The following CUX1 variants were observed in gnomAD, a reference collection of about 807,000 sequenced individuals.
CUX1 encodes the protein protein CASP.
A neutral mutation model predicts 158.8 loss-of-function variants in CUX1; 31 were observed. The observed-to-expected ratio is 0.20, with a 90% CI of 0.15 to 0.26. The LOEUF (loss-of-function observed/expected upper bound fraction) is 0.26, where lower values mean the gene tolerates loss of function less well. CUX1 is among the 10% of genes least tolerant of loss of function. CUX1 has a pLI of 1.00. For synonymous variants in CUX1, 879 were observed against 862.1 expected, an observed-to-expected ratio of 1.02 and a Z score of -0.34; for missense variants, 1,589 against 2,014.6, an observed-to-expected ratio of 0.79 and a Z score of 4.04.
chr7:101,952,715 G>GC (rs1483157958), intron 2 of CUX1, among the ~76,000 whole-genome samples: 2 of 152,114 alleles, frequency 1.3e-5, no homozygotes, highest in Non-Finnish European at 2.9e-5. Context: ...TCCCTTTTCT[G>GC]CCGCCACCTT....
chr7:102,168,277 G>C (rs1214984020), intron 9 of CUX1, among the ~76,000 whole-genome samples: 1 of 152,126 alleles, frequency 6.6e-6, no homozygotes, highest in African/African-American at 2.4e-5. Flanking sequence ...TCAACTGAAT[G>C]TAATTCCAAG....
chr7:102,248,541 C>A lies in CUX1; in HGVS notation c.4017C>A (p.Asp1339Glu). The A allele has an allele frequency of 6.6e-7, 1 of 1,510,416 alleles. No individual in the cohort carries two copies. Among genetic ancestry groups the A allele is most frequent in the South Asian group, 1.2e-5 (1 of 81,974 alleles). 93.6% of individuals were successfully genotyped at this position (1,510,416 alleles called of 1,614,324 possible). The change falls in exon 24 of 24, where the codon GAC becomes GAA. Residue 1339 changes from aspartate (D) to glutamate (E), a missense_variant. Around this residue, in one of 8 missense-constraint regions of CUX1, gnomAD observed 344 missense variants for 323.7 expected, o/e 1.06. Transcript: ENST00000292535. This position sits in a 1 kb window ranked among gnomAD's most constrained non-coding sequence, Gnocchi z 5.8. ...CCAGCTCGGAGGGCGACAGCTGCGA[C>A]GGCGTGGAGGCCACTGAGGGCCCAG... ...AAPSSEGDSC[D>E]GVEATEGPGS...
At chr7:102,200,238 G>A in intron 17 of CUX1, 66 bp downstream of exon 17, 3 of 1,324,284 alleles carry the variant, frequency 2.3e-6, no homozygotes, top group South Asian at 1.3e-5. Flanking sequence ...TGAGTGCTCT[G>A]GTCAGCAGTA....
At chr7:101,825,625 G>A (rs1463840256) in intron 1 of CUX1, among the ~76,000 whole-genome samples, 2 of 152,190 alleles carry the variant, frequency 1.3e-5, no homozygotes, top group East Asian at 1.9e-4. Flanking sequence ...GGAGAGGAAG[G>A]ATATTGCCAG....
intron 1 of CUX1, among the ~76,000 whole-genome samples, chr7:101,818,276 C>T (rs1792096527): frequency 6.6e-6 from 1 of 152,300 alleles, no homozygotes; most frequent in East Asian, 1.9e-4. Flanking sequence ...GTAAAAATAG[C>T]TCCCTTTTAC....
At chr7:101,896,242 C>T (rs558504370) in intron 1 of CUX1, among the ~76,000 whole-genome samples, 3 of 151,972 alleles carry the variant, frequency 2.0e-5, no homozygotes, top group Non-Finnish European at 4.4e-5. Context: ...AGCAGTCTTC[C>T]GACCTCCAGC....
intron 3 of CUX1, 108 bp from the exon 4 acceptor site, chr7:102,070,231 G>C: frequency 1.1e-6 from 1 of 898,426 alleles, no homozygotes; most frequent in Admixed American, 2.4e-5. Flanking sequence ...CAGTTGTCAA[G>C]CATCTCCCTT....
At chr7:102,072,077 C>T (rs1826195790) in intron 4 of CUX1, among the ~76,000 whole-genome samples, 1 of 152,138 alleles carries the variant, frequency 6.6e-6, no homozygotes, top group Non-Finnish European at 1.5e-5. Flanking sequence ...GGAGGGTGTC[C>T]AGGTTCTTGG....
intron 2 of CUX1, among the ~76,000 whole-genome samples, chr7:101,922,622 C>G (rs1345090602): frequency 1.3e-5 from 2 of 152,290 alleles, no homozygotes; most frequent in Non-Finnish European, 2.9e-5. Context: ...CCTCTACTCT[C>G]CTTCTCCTCC....
intron 3 of CUX1, among the ~76,000 whole-genome samples, chr7:102,049,342 C>T (rs1318933174): frequency 2.0e-5 from 3 of 152,152 alleles, no homozygotes; most frequent in Non-Finnish European, 4.4e-5. Flanking sequence ...CAGCTCAGCC[C>T]GGAGGGGAGA....
At position 102,162,973 on chromosome 7, in the gene CUX1, G is replaced by A. The variant is rs117874710; in HGVS notation, c.723+4365G>A. On this transcript the variant is annotated intron_variant, in intron 9 of 23. Coordinates refer to ENST00000292535, the MANE Select transcript of CUX1 (RefSeq NM_181552.4). ...TGGGGAATCACGCACAGAGTGGACC[G>A]AAGGAGGGATTGAACAAGAAGGCTC... Among the ~76,000 whole-genome samples, 45 of 152,286 alleles carry A rather than the reference G, an allele frequency of 3.0e-4. No homozygotes were observed. In the East Asian group the frequency reaches 4.8e-3, roughly 16 times the overall value.
At chr7:102,045,520 G>C (rs1356361904) in intron 3 of CUX1, among the ~76,000 whole-genome samples, 1 of 152,248 alleles carries the variant, frequency 6.6e-6, no homozygotes, top group Non-Finnish European at 1.5e-5. Context: ...GCTTTCTGTT[G>C]AATAAATGTA....
chr7:102,099,884 G>C (rs932089053), intron 5 of CUX1, among the ~76,000 whole-genome samples: 2 of 152,022 alleles, frequency 1.3e-5, no homozygotes, highest in African/African-American at 4.8e-5. Context: ...CTTTGCACAG[G>C]GGCTGACCAG....
At chr7:101,973,426 C>T (rs764352445) in intron 2 of CUX1, among the ~76,000 whole-genome samples, 1 of 152,212 alleles carries the variant, frequency 6.6e-6, no homozygotes, top group African/African-American at 2.4e-5. Flanking sequence ...AACGCCAGGA[C>T]AGTCTGCTGA....
chr7:102,008,366 C>G (rs1343146546), intron 2 of CUX1, among the ~76,000 whole-genome samples: 7 of 151,876 alleles, frequency 4.6e-5, no homozygotes, highest in African/African-American at 1.5e-4. Context: ...CCCCCCACCT[C>G]TACTCGCCCC....
intron 11 of CUX1, among the ~76,000 whole-genome samples, chr7:102,184,188 A>G (rs1375854469): frequency 2.0e-5 from 3 of 152,182 alleles, no homozygotes; most frequent in South Asian, 4.1e-4. Flanking sequence ...GTGAAACACC[A>G]TGCCCTGCAG....
At chr7:101,946,544 CAAAAAA>C (rs386410843) in intron 2 of CUX1, among the ~76,000 whole-genome samples, 3 of 78,190 alleles carry the variant, frequency 3.8e-5, no homozygotes, top group Non-Finnish European at 6.9e-5. Flanking sequence ...GACTCCGTCT[CAAAAAA>C]AAAAAAAAAA....
At chr7:101,825,782 TGTGTGTGTGTGTGTGTGC>T (rs1165451628) in intron 1 of CUX1, among the ~76,000 whole-genome samples, 8 of 100,598 alleles carry the variant, frequency 8.0e-5, no homozygotes, top group East Asian at 5.9e-4. Context: ...TGTGTGTGTG[TGTGTGTGTGTGTGTGTGC>T]GCGCGCGCGC....
rs749792282 is a variant in CUX1, at chr7:101,916,180, G to A, written c.96G>A (p.Lys32=). 2 of 1,613,956 alleles carry A rather than the reference G, an allele frequency of 1.2e-6. No homozygotes were observed. Among genetic ancestry groups the A allele is most frequent in the Non-Finnish European group, 1.7e-6 (2 of 1,179,970 alleles). Residue 32 remains lysine (K), a synonymous_variant, in exon 2 of 24, where the codon AAG becomes AAA. Transcript: ENST00000292535. The surrounding 1 kb of genome is among the most constrained non-coding windows in gnomAD (Gnocchi z 4.4). ...AGGATGAAAGTGAGCAGTCCAGAAA[G>A]CGGCTTATCGAACAGAGCCGGGAGT... is the stretch of plus-strand genomic sequence containing the variant. ...NRQDESEQSR[K]RLIEQSREFK...
Sources: gnomAD v4.1 joint callset for allele counts (sites outside exome capture counted in the v4.1 genomes callset) on GRCh38, gnomAD v4.1.1 for gene constraint, gnomAD v4.1.1 regional missense constraint, Gnocchi (gnomAD v3.1) non-coding constraint, MANE v1.5 for transcripts, NCBI Gene and HGNC (gene_info 2026-07-23, HGNC 2026-07-21) for gene names.